Variants in SERPINB12 observed in about 807,000 individuals in gnomAD.
SERPINB12 encodes the protein serpin B12.
A neutral mutation model predicts 41.1 loss-of-function variants in SERPINB12; 57 were observed. The observed-to-expected ratio is 1.39, with a 90% confidence interval of 1.12 to 1.73. SERPINB12 has a LOEUF of 1.73. SERPINB12 is among the 40% of genes most tolerant of loss of function. The probability of loss-of-function intolerance (pLI) is 0.00; values close to 1 mark genes in which losing one functional copy is unlikely to be tolerated. For synonymous variants in SERPINB12, 180 were observed against 181.3 expected (o/e 0.99, Z 0.06); for missense variants, 536 against 501.9 (o/e 1.07, Z -0.65).
At chr18:63,533,064 A>G in the SERPINB12 span, among the ~76,000 whole-genome samples, 3 of 151,644 alleles carry the variant, frequency 2.0e-5, no homozygotes, top group Non-Finnish European at 2.9e-5. Context: ...CAGCAACTCC[A>G]CCTCCCGGGT....
At position 63,565,533 on chromosome 18, in the gene SERPINB12, T is replaced by C; in HGVS notation, c.794T>C (p.Met265Thr). 1 of 1,613,872 alleles carries C rather than the reference T, an allele frequency of 6.2e-7. No homozygotes were observed. Among genetic ancestry groups the C allele is most frequent in the Non-Finnish European group, 8.5e-7 (1 of 1,179,814 alleles). The stretch of plus-strand genomic sequence containing the variant: ...GAGGTGAAGGCACAGATCCTGGAAA[T>C]GAGGTACACCAAGGGGAAGCTCAGC... ...IEEVKAQILE[M>T]RYTKGKLSMF... Residue 265 changes from methionine (M) to threonine (T), a missense_variant, in exon 7 of 8, where the codon ATG becomes ACG. Coordinates refer to ENST00000382768, the MANE Select transcript of SERPINB12 (RefSeq NM_001307928.2).
chr18:63,562,019 A>G (rs188883047), intron 5 of SERPINB12, among the ~76,000 whole-genome samples: 1 of 150,966 alleles, frequency 6.6e-6, no homozygotes, highest in African/African-American at 2.5e-5. Flanking sequence ...GCTGAAATTT[A>G]AAAAAAAACA....
At chr18:63,534,398 G>T in the SERPINB12 span, among the ~76,000 whole-genome samples, 1 of 152,122 alleles carries the variant, frequency 6.6e-6, no homozygotes, top group Non-Finnish European at 1.5e-5. Context: ...CTATGTCCTT[G>T]CTGCCTTATT....
rs1320137611 is a variant in SERPINB12, at chr18:63,568,630, C to T, written c.*1619C>T. 2.6e-5 allele frequency among the ~76,000 whole-genome samples: 4 copies of T among 152,162 alleles called. No homozygotes were observed. Among genetic ancestry groups the T allele is most frequent in the Non-Finnish European group, 5.9e-5 (4 of 68,042 alleles). ...TCTTTGGAGTCAGTCTCTTTCCTAT[C>T]GAGGTGGGTTTCAGGTCTTGCTTGC... On this transcript the variant is annotated 3_prime_UTR_variant, in exon 8 of 8. Transcript: ENST00000382768.
chr18:63,527,983 G>T, the SERPINB12 span, among the ~76,000 whole-genome samples: 1 of 152,024 alleles, frequency 6.6e-6, no homozygotes, highest in African/African-American at 2.4e-5. Flanking sequence ...TACGGGGGGA[G>T]TTTCCCTGCA....
intron 1 of SERPINB12, among the ~76,000 whole-genome samples, chr18:63,547,200 T>C (rs1461116192): frequency 6.6e-6 from 1 of 152,220 alleles, no homozygotes. Flanking sequence ...GTCAGATGCC[T>C]GATGTATATG....
rs1911210991 is a variant in SERPINB12, at chr18:63,569,052, G to A, written c.*2041G>A. Reference sequence around the variant, plus strand: ...CATGTCTGACTTGGCACCACTGCCCGACACGTAGCTGGAAACCATGACCTA... The same window carrying A: ...CATGTCTGACTTGGCACCACTGCCCAACACGTAGCTGGAAACCATGACCTA... On this transcript the variant is annotated 3_prime_UTR_variant, in exon 8 of 8. Transcript: ENST00000382768. 6.6e-6 allele frequency among the ~76,000 whole-genome samples: 1 copy of A among 152,094 alleles called. No homozygotes were observed.
At position 63,565,496 on chromosome 18, in the gene SERPINB12, G is replaced by C. The variant is rs1354864630; in HGVS notation, c.757G>C (p.Gly253Arg). ...GACGCAAAAAGGCCTCTACAGAATT[G>C]GCTTCATAGAGGAGGTGAAGGCACA... is the stretch of plus-strand genomic sequence containing the variant. ...MMTQKGLYRI[G>R]FIEEVKAQIL... is the part of the protein sequence containing the mutation. The change falls in exon 7 of 8, where the codon GGC (glycine) becomes CGC (arginine). Residue 253 changes from glycine to arginine, a missense_variant. Physicochemically the swap from Gly to Arg is moderately radical, Grantham distance 125. Coordinates refer to ENST00000382768, the MANE Select transcript of SERPINB12 (RefSeq NM_001307928.2). 6.2e-7 allele frequency: 1 copy of C among 1,613,816 alleles called. No homozygotes were observed. The highest frequency in any genetic ancestry group is 1.3e-5 in the African/African-American group (1 of 74,874).
chr18:63,564,776 A>G (rs1193861776), intron 6 of SERPINB12, among the ~76,000 whole-genome samples: 2 of 152,164 alleles, frequency 1.3e-5, no homozygotes, highest in Non-Finnish European at 1.5e-5. Flanking sequence ...TGAGGCCAAG[A>G]GGCTGGGCTG....
At chr18:63,536,320 A>G in the SERPINB12 span, among the ~76,000 whole-genome samples, 1 of 152,050 alleles carries the variant, frequency 6.6e-6, no homozygotes, top group Admixed American at 6.6e-5. Context: ...GTTAATATTT[A>G]TAACAACAAA....
chr18:63,524,488 C>T, the SERPINB12 span, among the ~76,000 whole-genome samples: 2 of 152,108 alleles, frequency 1.3e-5, no homozygotes, highest in African/African-American at 4.8e-5. Context: ...TGGGGTTCCA[C>T]CACGTTGGCC....
chr18:63,563,616 G>A (rs1910986677), intron 5 of SERPINB12, among the ~76,000 whole-genome samples: 1 of 152,114 alleles, frequency 6.6e-6, no homozygotes, highest in Admixed American at 6.5e-5. Flanking sequence ...AGAATTATTG[G>A]CCAGGCACGG....
intron 3 of SERPINB12, among the ~76,000 whole-genome samples, chr18:63,558,792 G>A (rs1910768077): frequency 6.6e-6 from 1 of 152,154 alleles, no homozygotes; most frequent in Non-Finnish European, 1.5e-5. Flanking sequence ...AAAGATAAAG[G>A]TGGTAAGGGG....
chr18:63,560,405 T>A (rs546082226), intron 4 of SERPINB12, among the ~76,000 whole-genome samples: 1 of 152,302 alleles, frequency 6.6e-6, no homozygotes, highest in African/African-American at 2.4e-5. Flanking sequence ...GTGGCCTCCT[T>A]TGGCCAAAAT....
At chr18:63,538,052 G>T (rs1910208317), upstream of SERPINB12, among the ~76,000 whole-genome samples, 1 of 152,052 alleles carries the variant, frequency 6.6e-6, no homozygotes, top group African/African-American at 2.4e-5. Context: ...ATGATTATTT[G>T]TTGAATGACA....
chr18:63,527,737 C>T, the SERPINB12 span, among the ~76,000 whole-genome samples: 1 of 152,080 alleles, frequency 6.6e-6, no homozygotes, highest in African/African-American at 2.4e-5. Flanking sequence ...ACTCCTTTAA[C>T]AAACTGGGAA....
intron 1 of SERPINB12, among the ~76,000 whole-genome samples, 150 bp downstream of exon 1, chr18:63,542,642 T>A (rs1006750163): frequency 2.6e-5 from 4 of 152,176 alleles, no homozygotes; most frequent in Non-Finnish European, 5.9e-5. Flanking sequence ...CTTTCTTTTT[T>A]AAAAACTTTT....
At chr18:63,551,804 T>C (rs1910538431) in intron 1 of SERPINB12, among the ~76,000 whole-genome samples, 1 of 152,242 alleles carries the variant, frequency 6.6e-6, no homozygotes, top group Non-Finnish European at 1.5e-5. Flanking sequence ...AGTGGTCCTA[T>C]TTTGAATCCA....
intron 1 of SERPINB12, among the ~76,000 whole-genome samples, chr18:63,548,619 A>G (rs1275271376): frequency 6.6e-6 from 1 of 152,092 alleles, no homozygotes; most frequent in Non-Finnish European, 1.5e-5. Context: ...ATAATGATCC[A>G]TAAATAAATG....
Sources: gnomAD v4.1 joint callset for allele counts (sites outside exome capture counted in the v4.1 genomes callset) on GRCh38, gnomAD v4.1.1 for gene constraint, MANE v1.5 for transcripts, NCBI Gene and HGNC (gene_info 2026-07-23, HGNC 2026-07-21) for gene names.